ARHGEF38: variants seen among roughly 807,000 people sequenced by gnomAD.
ARHGEF38 encodes the protein Rho guanine nucleotide exchange factor 38.
A neutral mutation model predicts 79.9 loss-of-function variants in ARHGEF38; 79 were observed. The ratio of observed to expected loss-of-function variants is 0.99; its 90% CI spans 0.82 to 1.19. The LOEUF (loss-of-function observed/expected upper bound fraction) is 1.19. Among genes scored for constraint, ARHGEF38 ranks in the 50% most tolerant of loss-of-function variants. ARHGEF38 has a pLI of 0.00. For synonymous variants in ARHGEF38, 366 were observed against 328.3 expected (o/e 1.11, Z -1.24); for missense variants, 962 against 907.2 (o/e 1.06, Z -0.78).
intron 13 of ARHGEF38, among the ~76,000 whole-genome samples, chr4:105,674,203 G>A (rs889652242): frequency 4.6e-5 from 7 of 152,046 alleles, no homozygotes; most frequent in Non-Finnish European, 8.8e-5. Flanking sequence ...TTAGGTATGA[G>A]TCAATAATAC....
intron 2 of ARHGEF38, among the ~76,000 whole-genome samples, chr4:105,610,716 T>C (rs934017007): frequency 3.3e-5 from 5 of 152,124 alleles, no homozygotes; most frequent in African/African-American, 1.2e-4. Context: ...ATTGATGTTT[T>C]AATCCTTTCT....
rs10608366 is a variant in ARHGEF38, at chr4:105,668,662, GTAGATAGATAGATAGATAGATAGA to G, written c.2148+981_2148+1004del. On this transcript the variant is annotated intron_variant, in intron 13 of 13. Transcript: ENST00000420470. ...ATAGAGGTTATGTATATGTATATGT[GTAGATAGATAGATAGATAGATAGA>G]TAGATAGATAGATAGATAGATGATA... Among the ~76,000 whole-genome samples, 332 of 149,036 alleles carry G rather than the reference GTAGATAGATAGATAGATAGATAGA, an allele frequency of 2.2e-3. 2 individuals carry two copies. The highest frequency in any genetic ancestry group is 7.7e-3 in the African/African-American group (310 of 40,410).
chr4:105,557,329 C>G (rs1725299193), intron 1 of ARHGEF38, among the ~76,000 whole-genome samples: 1 of 151,868 alleles, frequency 6.6e-6, no homozygotes, highest in South Asian at 2.1e-4. Context: ...AATGATTAGA[C>G]TTTTTATTGA....
intron 1 of ARHGEF38, among the ~76,000 whole-genome samples, chr4:105,564,053 A>G (rs1725766102): frequency 6.6e-6 from 1 of 152,204 alleles, no homozygotes; most frequent in South Asian, 2.1e-4. Flanking sequence ...AAACTGGGTC[A>G]GAATGTCAAA....
chr4:105,682,517 C>A, downstream of ARHGEF38: 1 of 463,810 alleles, frequency 2.2e-6, no homozygotes, highest in Non-Finnish European at 3.8e-6. Context: ...TCATTGTTTT[C>A]ACACACTATG....
At chr4:105,671,398 G>C (rs1351030368) in intron 13 of ARHGEF38, among the ~76,000 whole-genome samples, 1 of 152,186 alleles carries the variant, frequency 6.6e-6, no homozygotes, top group Non-Finnish European at 1.5e-5. Flanking sequence ...AGAAGAGAAG[G>C]CCGCATGGAA....
At chr4:105,600,530 T>C (rs907842156) in intron 2 of ARHGEF38, among the ~76,000 whole-genome samples, 4 of 152,176 alleles carry the variant, frequency 2.6e-5, no homozygotes, top group African/African-American at 9.7e-5. Context: ...GTGGTCCTCT[T>C]CTCTCTTTTG....
At chr4:105,656,784 C>G (rs1295226596) in intron 9 of ARHGEF38, among the ~76,000 whole-genome samples, 2 of 151,974 alleles carry the variant, frequency 1.3e-5, no homozygotes, top group African/African-American at 4.8e-5. Context: ...TCAGTAACAT[C>G]CCCTCACATC....
At chr4:105,645,456 A>G in intron 6 of ARHGEF38, 69 bp downstream of exon 6, 1 of 1,282,876 alleles carries the variant, frequency 7.8e-7, no homozygotes, top group Non-Finnish European at 1.0e-6. Flanking sequence ...TCTGAGAATC[A>G]GAATGTTTAA....
chr4:105,592,860 C>T (rs1727404175), intron 2 of ARHGEF38, among the ~76,000 whole-genome samples: 2 of 152,164 alleles, frequency 1.3e-5, no homozygotes, highest in Admixed American at 1.3e-4. Context: ...AGTTGGCTTC[C>T]TCCTATTACC....
At chr4:105,641,372 G>C (rs1259146550) in intron 5 of ARHGEF38, among the ~76,000 whole-genome samples, 1 of 151,976 alleles carries the variant, frequency 6.6e-6, no homozygotes, top group Non-Finnish European at 1.5e-5. Flanking sequence ...TATCTGGTCT[G>C]TTACATCGGT....
At chr4:105,585,117 A>T (rs1726971764) in intron 1 of ARHGEF38, among the ~76,000 whole-genome samples, 1 of 152,198 alleles carries the variant, frequency 6.6e-6, no homozygotes, top group Non-Finnish European at 1.5e-5. Context: ...TAATGGGATA[A>T]TTGTTTGCTC....
intron 6 of ARHGEF38, among the ~76,000 whole-genome samples, chr4:105,646,717 T>C (rs1263882249): frequency 1.3e-5 from 2 of 151,990 alleles, no homozygotes; most frequent in African/African-American, 4.8e-5. Context: ...GACACATTAA[T>C]CCAGATAGTG....
Position 105,648,578 on chromosome 4 carries a change from G to A in ARHGEF38, c.904G>A (p.Glu302Lys). The A allele has an allele frequency of 9.2e-6, 14 of 1,524,334 alleles. No individual in the cohort carries two copies. Among genetic ancestry groups the A allele is most frequent in the Non-Finnish European group, 1.2e-5 (14 of 1,142,626 alleles). The allele number at this position is 1,524,334 out of a possible 1,614,324, so 94.4% of individuals were successfully genotyped here. A position where few individuals can be genotyped will look rare whatever the true frequency, so the allele number is the denominator to read the frequency against. ...VLKYKKNDEDESLKDKLSKLN... is the reference protein window; with the variant it reads ...VLKYKKNDEDKSLKDKLSKLN... The stretch of plus-strand genomic sequence containing the variant: ...AAAATACAAGAAGAATGACGAGGAT[G>A]AATCACTTAAAGACAAATTGTCTAA... Residue 302 changes from glutamate to lysine, a missense_variant, in exon 7 of 14, where the codon GAA becomes AAA. By Grantham distance (56) the Glu-to-Lys change is moderately conservative. Transcript: ENST00000420470.
chr4:105,614,923 G>A (rs913557041), intron 3 of ARHGEF38, among the ~76,000 whole-genome samples: 1 of 152,110 alleles, frequency 6.6e-6, no homozygotes, highest in African/African-American at 2.4e-5. Context: ...CACCATCAAA[G>A]CAGTTTCTAC....
intron 10 of ARHGEF38, among the ~76,000 whole-genome samples, chr4:105,660,194 A>G (rs942364179): frequency 6.6e-6 from 1 of 152,158 alleles, no homozygotes; most frequent in African/African-American, 2.4e-5. Context: ...GTGTAAATGT[A>G]TAATCAGTCT....
chr4:105,648,763 A>G, intron 7 of ARHGEF38, 81 bp downstream of exon 7: 1 of 1,357,698 alleles, frequency 7.4e-7, no homozygotes, highest in East Asian at 2.6e-5. Flanking sequence ...TTTTGTGAGG[A>G]CTATTTCTAG....
chr4:105,633,062 T>G (rs2110520658), intron 4 of ARHGEF38: 1 of 152,878 alleles, frequency 6.5e-6, no homozygotes, highest in Non-Finnish European at 1.5e-5. Flanking sequence ...TCTGCAAGTT[T>G]CAGGTAATTC....
rs1731257001 is a variant in ARHGEF38 at position 105,680,055 on chromosome 4, T to A, written c.*2118T>A. 1.2e-6 allele frequency: 1 copy of A among 815,390 alleles called. No individual in the cohort carries two copies. Among genetic ancestry groups the A allele is most frequent in the African/African-American group, 1.7e-5 (1 of 59,514 alleles). 50.5% of individuals were successfully genotyped at this position (815,390 alleles called of 1,614,324 possible). On this transcript the variant is annotated 3_prime_UTR_variant, in exon 14 of 14. Coordinates refer to ENST00000420470, the MANE Select transcript of ARHGEF38 (RefSeq NM_001242729.2). ...TTCTTCTTCGTCTCACAGAAAATAA[T>A]AGCCCTCCCTTCAGATCCACTGTAG...
Sources: gnomAD v4.1 joint callset for allele counts (sites outside exome capture counted in the v4.1 genomes callset) on GRCh38, gnomAD v4.1.1 for gene constraint, MANE v1.5 for transcripts, NCBI Gene and HGNC (gene_info 2026-07-23, HGNC 2026-07-21) for gene names.